The following RIC8A variants were observed in gnomAD, a reference collection of about 807,000 sequenced individuals.
RIC8A encodes the protein chaperone Ric-8A.
In RIC8A, 37 loss-of-function variants were observed where a neutral mutation model predicts 48.4. The observed-to-expected ratio is 0.77, with a 90% CI of 0.59 to 1.01. RIC8A has a LOEUF of 1.01. Among genes scored for constraint, RIC8A ranks in the 50% least tolerant of loss-of-function variants. The pLI is 0.00. For missense variants in RIC8A, 681 were observed against 696.8 expected, an observed-to-expected ratio of 0.98 and a Z score of 0.25; for synonymous variants, 288 against 283.4, an observed-to-expected ratio of 1.02 and a Z score of -0.16.
rs1052483961 is a variant in RIC8A, at chr11:212,302, C to T, written c.970-114C>T. The T allele has an allele frequency of 1.8e-5, 19 of 1,064,150 alleles. No homozygotes were observed. In the Admixed American group the frequency reaches 2.3e-4, roughly 13 times the overall value. 65.9% of individuals were successfully genotyped at this position (1,064,150 alleles called of 1,614,324 possible). On this transcript the variant is annotated intron_variant, in intron 5 of 9. Transcript: ENST00000526104. ...GAGGGGCCTCTTCCCAAACCTCTGC[C>T]GCCAGGACCAGCTGTTGTGTATGTT...
Position 211,950 on chromosome 11 carries a change from C to T in RIC8A, c.970-466C>T, listed in dbSNP as rs1338586062. ...GGGGGTTGTCTGTGCCCGTCGCTGCCACTGCTGGTGCTGGGGTCCAGGCAC... is the reference window on the plus strand; with the variant it reads ...GGGGGTTGTCTGTGCCCGTCGCTGCTACTGCTGGTGCTGGGGTCCAGGCAC... On this transcript the variant is annotated intron_variant, in intron 5 of 9. Transcript: ENST00000526104. The surrounding 1 kb of genome is among the most constrained non-coding windows in gnomAD (Gnocchi z 4.0). 1 of 185,894 alleles carries T rather than the reference C, an allele frequency of 5.4e-6. No individual in the cohort carries two copies. The highest frequency in any genetic ancestry group is 5.4e-5 in the Admixed American group (1 of 18,436). 11.5% of individuals were successfully genotyped at this position (185,894 alleles called of 1,614,324 possible).
rs772510724 is a variant in RIC8A, at chr11:212,914, C to T, written c.1288C>T (p.Arg430Trp). Residue 430 changes from arginine (R) to tryptophan (W), a missense_variant, in exon 8 of 10, where the codon CGG (arginine) becomes TGG (tryptophan). By Grantham distance (101) the Arg-to-Trp change is moderately radical. Transcript: ENST00000526104. ...LAARGLMAGGRPEGQYSEDED... is the reference protein window; with the variant it reads ...LAARGLMAGGWPEGQYSEDED... ...TGCCAGGGGCCTCATGGCAGGAGGC[C>T]GGCCCGAGGGCCAGTACTCAGAGGA... is the stretch of plus-strand genomic sequence containing the variant. 8.7e-6 allele frequency: 14 copies of T among 1,603,310 alleles called. No individual in the cohort carries two copies. Among genetic ancestry groups the T allele is most frequent in the African/African-American group, 1.3e-5 (1 of 74,756 alleles).
chr11:208,759 G>A lies in RIC8A; in HGVS notation c.-96G>A. On this transcript the variant is annotated 5_prime_UTR_variant, in exon 1 of 10. Coordinates refer to ENST00000526104, the MANE Select transcript of RIC8A (RefSeq NM_001286134.2). This position sits in a 1 kb window ranked among gnomAD's most constrained non-coding sequence, Gnocchi z 4.8. ...GCCGCGCCCCGTCCCGGCCTCCCCCGCGCGCTGGCGCGGGGCTTTCTGGGC... is the reference window on the plus strand; with the variant it reads ...GCCGCGCCCCGTCCCGGCCTCCCCCACGCGCTGGCGCGGGGCTTTCTGGGC... 1.1e-6 allele frequency: 1 copy of A among 940,126 alleles called. No individual in the cohort carries two copies. The highest frequency in any genetic ancestry group is 1.5e-6 in the Non-Finnish European group (1 of 657,540). The allele number at this position is 940,126 out of a possible 1,614,324, so 58.2% of individuals were successfully genotyped here. A position where few individuals can be genotyped will look rare whatever the true frequency, so the allele number is the denominator to read the frequency against.
intron 9 of RIC8A, 40 bp from the exon 10 acceptor site, chr11:214,190 T>C (rs1326086853): frequency 6.2e-7 from 1 of 1,602,788 alleles, no homozygotes; most frequent in East Asian, 2.2e-5. Flanking sequence ...CCTGGCCAAC[T>C]GGGCCCCTTC....
chr11:214,162 G>T, intron 9 of RIC8A, 68 bp from the exon 10 acceptor site: 1 of 1,554,082 alleles, frequency 6.4e-7, no homozygotes, highest in East Asian at 2.3e-5. Flanking sequence ...TAGCAGCCAC[G>T]GGTGAGTAGG....
chr11:212,357 TC>T (rs1855381912), intron 5 of RIC8A, 58 bp from the exon 6 acceptor site: 1 of 1,541,094 alleles, frequency 6.5e-7, no homozygotes, highest in Non-Finnish European at 8.9e-7. Flanking sequence ...GAGGTGTAAC[TC>T]TGTGCCAGTC....
At position 208,753 on chromosome 11, in the gene RIC8A, TC is replaced by T; in HGVS notation, c.-97del. ...CCAGACGCCGCGCCCCGTCCCGGCCTCCCCCGCGCGCTGGCGCGGGGCTTTC... is the reference window on the plus strand; with the variant it reads ...CCAGACGCCGCGCCCCGTCCCGGCCTCCCCGCGCGCTGGCGCGGGGCTTTC... On this transcript the variant is annotated 5_prime_UTR_variant, in exon 1 of 10. Coordinates refer to ENST00000526104, the MANE Select transcript of RIC8A (RefSeq NM_001286134.2). The surrounding 1 kb of genome is among the most constrained non-coding windows in gnomAD (Gnocchi z 4.8). The T allele has an allele frequency of 1.2e-6, 1 of 850,928 alleles. No homozygotes were observed. Among genetic ancestry groups the T allele is most frequent in the Non-Finnish European group, 1.7e-6 (1 of 579,704 alleles). 52.7% of individuals were successfully genotyped at this position (850,928 alleles called of 1,614,324 possible).
At position 212,610 on chromosome 11, in the gene RIC8A, C is replaced by T. The variant is rs780891201; in HGVS notation, c.1066-5C>T. 1.5e-5 allele frequency: 24 copies of T among 1,613,798 alleles called. No individual in the cohort carries two copies. In the African/African-American group the frequency reaches 2.9e-4, roughly 20 times the overall value. ...GCCCAAGCTTAGGGATGGCCACCTC[C>T]CCAGGTGCTGCCCCCTCTGCGGGAT... On this transcript the variant is annotated splice_region_variant and splice_polypyrimidine_tract_variant and intron_variant, in intron 6 of 9. Transcript: ENST00000526104.
At position 214,304 on chromosome 11, in the gene RIC8A, C is replaced by T. The variant is rs1855470631; in HGVS notation, c.1550C>T (p.Thr517Ile). ...LTSLQDAMCETMEQQLSSDPD... is the reference protein window; with the variant it reads ...LTSLQDAMCEIMEQQLSSDPD... ...TCCCTGCAGGATGCCATGTGCGAGA[C>T]TATGGAGCAGCAGCTCTCCTCGGAC... is the stretch of plus-strand genomic sequence containing the variant. The change falls in exon 10 of 10, where the codon ACT becomes ATT. Residue 517 changes from threonine to isoleucine, a missense_variant. By Grantham distance (89) the Thr-to-Ile change is moderately conservative (BLOSUM62 -1). Coordinates refer to ENST00000526104, the MANE Select transcript of RIC8A (RefSeq NM_001286134.2). 1 of 1,612,916 alleles carries T rather than the reference C, an allele frequency of 6.2e-7. No individual in the cohort carries two copies. Among genetic ancestry groups the T allele is most frequent in the African/African-American group, 1.3e-5 (1 of 74,904 alleles).
chr11:214,259 G>T lies in RIC8A; in HGVS notation c.1505G>T (p.Ser502Ile). The T allele has an allele frequency of 6.2e-7, 1 of 1,613,862 alleles. No homozygotes were observed. Among genetic ancestry groups the T allele is most frequent in the Non-Finnish European group, 8.5e-7 (1 of 1,179,942 alleles). The change falls in exon 10 of 10, where the codon AGT (serine) becomes ATT (isoleucine). Residue 502 changes from serine (S) to isoleucine (I), a missense_variant. Ser to Ile is a moderately radical substitution (Grantham distance 142, BLOSUM62 -2). Transcript: ENST00000526104. ...RNRVIQPMGM[S>I]PRGHLTSLQD... ...AGAGTCATCCAGCCAATGGGGATGA[G>T]TCCCCGGGGTCATCTTACGTCCCTG...
Position 214,448 on chromosome 11 carries a change from A to C in RIC8A, c.*98A>C, listed in dbSNP as rs1855475417. 3 of 1,393,926 alleles carry C rather than the reference A, an allele frequency of 2.2e-6. No individual in the cohort carries two copies. Among genetic ancestry groups the C allele is most frequent in the Non-Finnish European group, 2.0e-6 (2 of 1,009,326 alleles). 86.3% of individuals were successfully genotyped at this position (1,393,926 alleles called of 1,614,324 possible). On this transcript the variant is annotated 3_prime_UTR_variant, in exon 10 of 10. Coordinates refer to ENST00000526104, the MANE Select transcript of RIC8A (RefSeq NM_001286134.2). ...GGAAGCCACATCCCACTGGATCCAC[A>C]CCCGCCCCCACTTCTCCATCTTAGA...
Position 208,971 on chromosome 11 carries a change from C to T in RIC8A, c.84+33C>T. 9.2e-6 allele frequency: 4 copies of T among 432,612 alleles called. No individual in the cohort carries two copies. Among genetic ancestry groups the T allele is most frequent in the East Asian group, 4.7e-5 (1 of 21,440 alleles). The allele number at this position is 432,612 out of a possible 1,614,324, so 26.8% of individuals were successfully genotyped here. A position where few individuals can be genotyped will look rare whatever the true frequency, so the allele number is the denominator to read the frequency against. On this transcript the variant is annotated intron_variant, in intron 1 of 9. Transcript: ENST00000526104. The surrounding 1 kb of genome is among the most constrained non-coding windows in gnomAD (Gnocchi z 4.8). ...GCCGCCTGAGGCCGGGGGGCGGGCACGGAGGGGGTGGGGCAGGGTCGTGCG... is the reference window on the plus strand; with the variant it reads ...GCCGCCTGAGGCCGGGGGGCGGGCATGGAGGGGGTGGGGCAGGGTCGTGCG...
In RIC8A at chr11:214,502, C is replaced by G. The variant is rs1277660219; in HGVS notation, c.*152C>G. On this transcript the variant is annotated 3_prime_UTR_variant, in exon 10 of 10. Coordinates refer to ENST00000526104, the MANE Select transcript of RIC8A (RefSeq NM_001286134.2). ...CCCTTCTCTTGACTCCCGTTCTGTTCATGATTTGCCTCTGGTCCAGTTTCT... is the reference window on the plus strand; with the variant it reads ...CCCTTCTCTTGACTCCCGTTCTGTTGATGATTTGCCTCTGGTCCAGTTTCT... The G allele has an allele frequency of 1.1e-6, 1 of 930,032 alleles. No individual in the cohort carries two copies. The highest frequency in any genetic ancestry group is 1.7e-6 in the Non-Finnish European group (1 of 593,780). 57.6% of individuals were successfully genotyped at this position (930,032 alleles called of 1,614,324 possible).
At chr11:209,384 G>C (rs1321279508) in intron 2 of RIC8A, 23 bp from the exon 3 acceptor site, 6 of 1,600,592 alleles carry the variant, frequency 3.7e-6, no homozygotes, top group Middle Eastern at 1.7e-4. Flanking sequence ...GCCTGGTGGA[G>C]CCGCTCTTCT....
At position 214,217 on chromosome 11, in the gene RIC8A, C is replaced by T; in HGVS notation, c.1476-13C>T. 1 of 1,612,910 alleles carries T rather than the reference C, an allele frequency of 6.2e-7. No homozygotes were observed. The highest frequency in any genetic ancestry group is 2.2e-5 in the East Asian group (1 of 44,862). On this transcript the variant is annotated splice_polypyrimidine_tract_variant and intron_variant, in intron 9 of 9. Coordinates refer to ENST00000526104, the MANE Select transcript of RIC8A (RefSeq NM_001286134.2). Reference sequence around the variant, plus strand: ...GGCCCCTTCCCCAGCCCCACTGCACCTTTCCCCAACAGGAACAGAGTCATC... The same window carrying T: ...GGCCCCTTCCCCAGCCCCACTGCACTTTTCCCCAACAGGAACAGAGTCATC...
chr11:209,931 G>A lies in RIC8A; in HGVS notation c.657G>A (p.Glu219=). Residue 219 remains glutamate, a synonymous_variant, in exon 3 of 10, where the codon GAG becomes GAA. Coordinates refer to ENST00000526104, the MANE Select transcript of RIC8A (RefSeq NM_001286134.2). ...PPTLLPSQET[E]RAMEILKVLF... ...CGCTCCTTCCTTCCCAAGAGACTGA[G>A]CGGGCCATGGAGATCCTCAAAGTGC... The A allele has an allele frequency of 1.9e-6, 3 of 1,604,790 alleles. No individual in the cohort carries two copies. Among genetic ancestry groups the A allele is most frequent in the Non-Finnish European group, 8.5e-7 (1 of 1,179,856 alleles).
In RIC8A at chr11:211,075, C is replaced by G. The variant is rs545881056; in HGVS notation, c.819-124C>G. On this transcript the variant is annotated intron_variant, in intron 4 of 9. Coordinates refer to ENST00000526104, the MANE Select transcript of RIC8A (RefSeq NM_001286134.2). The surrounding 1 kb of genome is among the most constrained non-coding windows in gnomAD (Gnocchi z 4.0). ...CAGTCCCTGCCCTTGGCTTTGGTCC[C>G]TAGCGCTGCCCCTTTGGGACTCAGA... 1.8e-6 allele frequency: 2 copies of G among 1,081,316 alleles called. No individual in the cohort carries two copies. Among genetic ancestry groups the G allele is most frequent in the Admixed American group, 5.0e-5 (2 of 40,340 alleles). The allele number at this position is 1,081,316 out of a possible 1,614,324, so 67.0% of individuals were successfully genotyped here.
chr11:212,789 A>T lies in RIC8A; in HGVS notation c.1210+30A>T, dbSNP rs140822543. 8,105 of 1,611,858 alleles carry T rather than the reference A, an allele frequency of 5.0e-3. 49 individuals are homozygous for T. The highest frequency in any genetic ancestry group is 0.016 in the South Asian group (1,471 of 90,886). Reference sequence around the variant, plus strand: ...GTTATGGAGACCCAGGTCCCAGCCCACCCCACCTCAGCCAGGCTTGCACAC... The same window carrying T: ...GTTATGGAGACCCAGGTCCCAGCCCTCCCCACCTCAGCCAGGCTTGCACAC... On this transcript the variant is annotated intron_variant, in intron 7 of 9. Transcript: ENST00000526104.
Position 208,368 on chromosome 11 carries a change from A to G in RIC8A, c.-487A>G. Reference sequence around the variant, plus strand: ...TTGTCCCCCTTCCCCTCTGGAACATAAGCTCCACAAAGGCAGGGACCTGGG... The same window carrying G: ...TTGTCCCCCTTCCCCTCTGGAACATGAGCTCCACAAAGGCAGGGACCTGGG... On this transcript the variant is annotated 5_prime_UTR_variant, in exon 1 of 10. It adds an upstream start codon to the 5' untranslated region. Transcript: ENST00000526104. This position sits in a 1 kb window ranked among gnomAD's most constrained non-coding sequence, Gnocchi z 4.8. 6.5e-6 allele frequency: 1 copy of G among 153,992 alleles called. No individual in the cohort carries two copies. Among genetic ancestry groups the G allele is most frequent in the Non-Finnish European group, 1.4e-5 (1 of 69,128 alleles). 9.5% of individuals were successfully genotyped at this position (153,992 alleles called of 1,614,324 possible).
Sources: allele counts gnomAD v4.1 joint callset, GRCh38; gene constraint gnomAD v4.1.1; non-coding constraint Gnocchi (gnomAD v3.1); transcripts MANE v1.5; gene names NCBI Gene and HGNC (gene_info 2026-07-23, HGNC 2026-07-21).